MAF: variants seen among roughly 807,000 people sequenced by gnomAD.
MAF encodes the protein transcription factor Maf.
A neutral mutation model predicts 22.0 loss-of-function variants in MAF; 10 were observed. The observed-to-expected ratio is 0.45, with a 90% CI of 0.28 to 0.77. The LOEUF (loss-of-function observed/expected upper bound fraction) is 0.77. Among genes scored for constraint, MAF ranks in the 30% least tolerant of loss-of-function variants. The pLI is 0.12. For synonymous variants in MAF, 337 were observed against 255.8 expected, an observed-to-expected ratio of 1.32 and a Z score of -3.03; for missense variants, 544 against 548.4, an observed-to-expected ratio of 0.99 and a Z score of 0.08.
At chr16:79,450,226 C>T in the MAF span, among the ~76,000 whole-genome samples, 93 of 152,264 alleles carry the variant, frequency 6.1e-4, 1 homozygote, top group African/African-American at 2.2e-3. Flanking sequence ...ATAGACTTAC[C>T]TTTAGTACAA....
the MAF span, among the ~76,000 whole-genome samples, chr16:79,320,356 G>T: frequency 6.6e-6 from 1 of 152,198 alleles, no homozygotes; most frequent in African/African-American, 2.4e-5. Context: ...TGAAATGGAA[G>T]AAAGAAATTT....
chr16:79,496,189 C>T, the MAF span, among the ~76,000 whole-genome samples: 11 of 152,026 alleles, frequency 7.2e-5, no homozygotes, highest in South Asian at 2.1e-4. Flanking sequence ...CTAACTAGTA[C>T]GTGTCATGTC....
the MAF span, among the ~76,000 whole-genome samples, chr16:79,342,797 T>C: frequency 2.0e-5 from 3 of 152,182 alleles, no homozygotes; most frequent in Admixed American, 2.0e-4. Flanking sequence ...AAGCAAGGCC[T>C]AGAAAAGACT....
At chr16:79,290,762 C>T in the MAF span, among the ~76,000 whole-genome samples, 1 of 151,936 alleles carries the variant, frequency 6.6e-6, no homozygotes, top group African/African-American at 2.4e-5. Context: ...GAATACCGTC[C>T]AACTCCCAGG....
chr16:79,326,999 A>G, the MAF span, among the ~76,000 whole-genome samples: 1 of 152,218 alleles, frequency 6.6e-6, no homozygotes, highest in South Asian at 2.1e-4. Context: ...ATAACGTCCT[A>G]GCAGCTGTGG....
At chr16:79,211,821 A>C in the MAF span, 4 of 1,613,590 alleles carry the variant, frequency 2.5e-6, no homozygotes, top group Non-Finnish European at 3.4e-6. Flanking sequence ...GGATGGGCAC[A>C]CACACCCGCC....
At chr16:79,343,609 T>A in the MAF span, among the ~76,000 whole-genome samples, 1 of 152,348 alleles carries the variant, frequency 6.6e-6, no homozygotes, top group Middle Eastern at 3.4e-3. Flanking sequence ...CTTAGAGACA[T>A]GCCTAAAGTG....
the MAF span, among the ~76,000 whole-genome samples, chr16:79,395,583 G>A: frequency 6.6e-6 from 1 of 152,088 alleles, no homozygotes; most frequent in Non-Finnish European, 1.5e-5. Context: ...AGAGGTTGGA[G>A]CATCGCATCT....
the MAF span, among the ~76,000 whole-genome samples, chr16:79,291,949 C>G: frequency 6.6e-6 from 1 of 151,194 alleles, no homozygotes; most frequent in Non-Finnish European, 1.5e-5. Context: ...GAGGGTACAA[C>G]AGTAGGGCCT....
the MAF span, among the ~76,000 whole-genome samples, chr16:79,225,928 G>A: frequency 6.6e-6 from 1 of 152,282 alleles, no homozygotes; most frequent in East Asian, 1.9e-4. Context: ...TACACTGTTG[G>A]TGAGAGTGTA....
the MAF span, among the ~76,000 whole-genome samples, chr16:79,252,680 G>T: frequency 3.3e-5 from 5 of 152,130 alleles, no homozygotes; most frequent in Non-Finnish European, 1.5e-5. Flanking sequence ...AGTAGAGACA[G>T]GGTTTCACCA....
chr16:79,251,312 TTATC>T, the MAF span, among the ~76,000 whole-genome samples: 6 of 102,770 alleles, frequency 5.8e-5, no homozygotes, highest in African/African-American at 2.9e-4. Flanking sequence ...TTTTAAGTCT[TTATC>T]TTTTTTTTTT....
At chr16:79,449,945 T>C in the MAF span, among the ~76,000 whole-genome samples, 1 of 152,244 alleles carries the variant, frequency 6.6e-6, no homozygotes, top group Non-Finnish European at 1.5e-5. Flanking sequence ...TGATGCTTTC[T>C]TTTAAGATGG....
At chr16:79,387,861 G>A in the MAF span, among the ~76,000 whole-genome samples, 1 of 152,164 alleles carries the variant, frequency 6.6e-6, no homozygotes, top group Non-Finnish European at 1.5e-5. Context: ...AACAAATTAA[G>A]CTAATTTCTT....
the MAF span, among the ~76,000 whole-genome samples, chr16:79,285,946 G>C: frequency 0.69 from 104,805 of 152,088 alleles, 36,725 homozygotes; most frequent in Admixed American, 0.75. Flanking sequence ...CCCATATTTA[G>C]GGACGATGAC....
the MAF span, among the ~76,000 whole-genome samples, chr16:79,268,938 T>C: frequency 6.6e-6 from 1 of 152,210 alleles, no homozygotes. Flanking sequence ...ATGGGAGTAA[T>C]GATCAGGATC....
At chr16:79,344,491 C>T in the MAF span, among the ~76,000 whole-genome samples, 1 of 152,208 alleles carries the variant, frequency 6.6e-6, no homozygotes, top group Non-Finnish European at 1.5e-5. Context: ...TACATCAGGA[C>T]TGTCCCATAC....
In MAF at chr16:79,586,083, G is replaced by C. The variant is rs1002215035; in HGVS notation, c.1119-142C>G. ...AAAGAAGAGTGATTTTGTTCCATTT[G>C]CTTTTGGGTGGTGGCCTCAACCCTG... On this transcript the variant is annotated intron_variant, in intron 1 of 1. Coordinates refer to the MAF transcript ENST00000569649. 10 of 530,464 alleles carry C rather than the reference G, an allele frequency of 1.9e-5. No homozygotes were observed. The Admixed American group carries it at 3.7e-4, about 20-fold the overall frequency. The allele number at this position is 530,464 out of a possible 1,614,324, so 32.9% of individuals were successfully genotyped here. A position where few individuals can be genotyped will look rare whatever the true frequency, so the allele number is the denominator to read the frequency against.
the MAF span, among the ~76,000 whole-genome samples, chr16:79,546,850 T>G: frequency 6.6e-6 from 1 of 152,092 alleles, no homozygotes; most frequent in East Asian, 1.9e-4. Flanking sequence ...GAAATTACAG[T>G]GGGAGGATGG....
Sources: allele counts gnomAD v4.1 joint callset (sites outside exome capture counted in the v4.1 genomes callset), GRCh38; gene constraint gnomAD v4.1.1; transcripts MANE v1.5; gene names NCBI Gene and HGNC (gene_info 2026-07-23, HGNC 2026-07-21).